PRMT7: variants seen among roughly 807,000 people sequenced by gnomAD.
PRMT7 encodes the protein protein arginine methyltransferase 7.
PRMT7 carries 75 observed loss-of-function variants against 85.4 expected under a neutral mutation model. That is an observed-to-expected ratio of 0.88 (90% CI 0.73 to 1.06). The LOEUF is 1.06. PRMT7 is among the 50% of genes least tolerant of loss of function. PRMT7 has a pLI of 0.00. For synonymous variants in PRMT7, 397 were observed against 359.5 expected (o/e 1.10, Z -1.18); for missense variants, 868 against 915.2 (o/e 0.95, Z 0.67).
In PRMT7 at chr16:68,345,805, A is replaced by C. The variant is rs1470106302; in HGVS notation, c.1055+3A>C. 6.2e-7 allele frequency: 1 copy of C among 1,613,832 alleles called. No individual in the cohort carries two copies. Among genetic ancestry groups the C allele is most frequent in the Admixed American group, 1.7e-5 (1 of 60,000 alleles). ...TGGTACAGCCTGCAGAGGACCAGGT[A>C]CGTCGAGCCTCGTGGGGGTGGAGGA... On this transcript the variant is annotated splice_donor_region_variant and intron_variant, in intron 10 of 18. Coordinates refer to ENST00000441236, the MANE Select transcript of PRMT7 (RefSeq NM_019023.5).
At chr16:68,355,951 G>T (rs2088353365) in intron 17 of PRMT7, 68 bp downstream of exon 17, 1 of 1,436,524 alleles carries the variant, frequency 7.0e-7, no homozygotes, top group Non-Finnish European at 9.2e-7. Flanking sequence ...CACCCCCGTG[G>T]TGAGCACAGC....
intron 2 of PRMT7, among the ~76,000 whole-genome samples, chr16:68,312,744 G>A (rs2044085838): frequency 6.6e-6 from 1 of 152,116 alleles, no homozygotes; most frequent in African/African-American, 2.4e-5. Context: ...ATGGATGAGG[G>A]CATTCAGCCA....
At chr16:68,349,890 G>T (rs140633987) in intron 14 of PRMT7, among the ~76,000 whole-genome samples, 1 of 152,116 alleles carries the variant, frequency 6.6e-6, no homozygotes, top group East Asian at 1.9e-4. Flanking sequence ...GTGATACCTT[G>T]TCTCTAAAAA....
chr16:68,330,920 AAT>A (rs1597267129), intron 6 of PRMT7, among the ~76,000 whole-genome samples: 1 of 152,188 alleles, frequency 6.6e-6, no homozygotes, highest in East Asian at 1.9e-4. Flanking sequence ...TAAAATATAC[AAT>A]AGAGTGCTCA....
rs138763605 is a variant in PRMT7, at chr16:68,337,566, G to A, written c.499G>A (p.Val167Met). 168 of 1,603,778 alleles carry A rather than the reference G, an allele frequency of 1.0e-4. No homozygotes were observed. In the Middle Eastern group the frequency reaches 2.5e-3, roughly 24 times the overall value. ...CTATGAGCACGCACACAGGCATCTCGTGGAGGTAGTAGACGGAGGGCTCCC... is the reference window on the plus strand; with the variant it reads ...CTATGAGCACGCACACAGGCATCTCATGGAGGTAGTAGACGGAGGGCTCCC... ...PSYEHAHRHLVEENCEAVPHR... is the reference protein window; with the variant it reads ...PSYEHAHRHLMEENCEAVPHR... Residue 167 changes from valine to methionine, a missense_variant, in exon 7 of 19, where the codon GTG (valine) becomes ATG (methionine). Transcript: ENST00000441236.
intron 1 of PRMT7, chr16:68,311,303 C>T: frequency 6.0e-6 from 2 of 331,176 alleles, no homozygotes; most frequent in Non-Finnish European, 1.1e-5. Context: ...AGCCGGGTGC[C>T]TGCCACTCGC....
chr16:68,316,122 CTCA>C, intron 3 of PRMT7, 48 bp downstream of exon 3: 1 of 1,517,468 alleles, frequency 6.6e-7, no homozygotes, highest in Non-Finnish European at 9.1e-7. Flanking sequence ...GGCACTTGAT[CTCA>C]AAGCAGATGC....
At chr16:68,333,437 C>T (rs181871632) in intron 6 of PRMT7, among the ~76,000 whole-genome samples, 67 of 150,730 alleles carry the variant, frequency 4.4e-4, no homozygotes, top group Non-Finnish European at 7.8e-4. Context: ...GCCGAGATTG[C>T]GCTATTGCAC....
chr16:68,338,597 G>A (rs181144329), intron 7 of PRMT7, among the ~76,000 whole-genome samples: 12 of 152,250 alleles, frequency 7.9e-5, no homozygotes, highest in African/African-American at 2.4e-4. Context: ...AAGGCAGCGG[G>A]AGTGAGTCCA....
At chr16:68,348,315 C>T (rs775271634) in intron 13 of PRMT7, 27 bp from the exon 14 acceptor site, 1 of 1,513,116 alleles carries the variant, frequency 6.6e-7, no homozygotes, top group Non-Finnish European at 9.2e-7. Context: ...AGTATGAATA[C>T]AGTAATTTTA....
chr16:68,328,302 T>G (rs2083377704), intron 5 of PRMT7: 1 of 156,870 alleles, frequency 6.4e-6, no homozygotes, highest in African/African-American at 2.4e-5. Flanking sequence ...TCAAATTCCC[T>G]GTGGTATGTA....
At chr16:68,355,661 G>C in intron 16 of PRMT7, 62 bp from the exon 17 acceptor site, 2 of 1,419,452 alleles carry the variant, frequency 1.4e-6, no homozygotes, top group Non-Finnish European at 1.9e-6. Flanking sequence ...AAGCCGGGGA[G>C]CGGTACCTCT....
At chr16:68,320,866 G>A (rs1054027524) in intron 3 of PRMT7, among the ~76,000 whole-genome samples, 1 of 152,162 alleles carries the variant, frequency 6.6e-6, no homozygotes, top group Admixed American at 6.5e-5. Flanking sequence ...TGAGGCAAGA[G>A]GATCTCTTGA....
intron 9 of PRMT7, among the ~76,000 whole-genome samples, chr16:68,344,102 G>T (rs2085953105): frequency 6.6e-6 from 1 of 152,182 alleles, no homozygotes; most frequent in Admixed American, 6.5e-5. Flanking sequence ...TGAGTAGCTG[G>T]GACTACAGGC....
chr16:68,315,810 C>G (rs1011727167), intron 2 of PRMT7, 87 bp from the exon 3 acceptor site: 23 of 631,850 alleles, frequency 3.6e-5, no homozygotes, highest in Non-Finnish European at 5.7e-5. Context: ...CCCTTCCCCC[C>G]TCCACATTTT....
intron 14 of PRMT7, among the ~76,000 whole-genome samples, chr16:68,349,346 C>T (rs890257134): frequency 3.9e-5 from 6 of 152,108 alleles, no homozygotes; most frequent in South Asian, 4.2e-4. Flanking sequence ...CCATCAGAGC[C>T]GGCCTTCACT....
chr16:68,348,286 C>T (rs928507000), intron 13 of PRMT7, 56 bp from the exon 14 acceptor site: 12 of 1,385,356 alleles, frequency 8.7e-6, no homozygotes, highest in Middle Eastern at 1.8e-4. Context: ...TTTTTTTTTC[C>T]TGACAAACAC....
chr16:68,345,248 C>T (rs188314046), intron 9 of PRMT7, among the ~76,000 whole-genome samples: 4 of 152,320 alleles, frequency 2.6e-5, no homozygotes, highest in African/African-American at 7.2e-5. Flanking sequence ...ATTCCGAGTA[C>T]GTTAAAGCCT....
chr16:68,325,895 C>T (rs531550022), intron 5 of PRMT7, among the ~76,000 whole-genome samples: 42 of 152,272 alleles, frequency 2.8e-4, no homozygotes, highest in African/African-American at 8.4e-4. Context: ...TGGGAATGTG[C>T]GGCAAGGTTG....
Sources: gnomAD v4.1 joint callset for allele counts (sites outside exome capture counted in the v4.1 genomes callset) on GRCh38, gnomAD v4.1.1 for gene constraint, MANE v1.5 for transcripts, NCBI Gene and HGNC (gene_info 2026-07-23, HGNC 2026-07-21) for gene names.